Variants in UST observed in about 807,000 individuals in gnomAD.
UST encodes the protein uronyl 2-sulfotransferase.
In UST, 21 loss-of-function variants were observed where a neutral mutation model predicts 45.6. The ratio of observed to expected loss-of-function variants is 0.46; its 90% confidence interval spans 0.33 to 0.66. The LOEUF (loss-of-function observed/expected upper bound fraction) is 0.66, where lower values mean the gene tolerates loss of function less well. Among genes scored for constraint, UST ranks in the 30% least tolerant of loss-of-function variants. The pLI, the probability that UST is intolerant of heterozygous loss-of-function variation, is 0.02. For missense variants in UST, 463 were observed against 512.4 expected (o/e 0.90, Z 0.93); for synonymous variants, 215 against 200.6 (o/e 1.07, Z -0.61).
At chr6:148,918,948 A>C (rs1779645738) in intron 2 of UST, among the ~76,000 whole-genome samples, 1 of 152,220 alleles carries the variant, frequency 6.6e-6, no homozygotes, top group African/African-American at 2.4e-5. Context: ...ATGAACATGA[A>C]TAGAGAAAAC....
intron 1 of UST, among the ~76,000 whole-genome samples, chr6:148,801,882 A>G (rs1011833009): frequency 2.0e-5 from 3 of 152,216 alleles, no homozygotes; most frequent in African/African-American, 7.2e-5. Context: ...CAGGTCAAAT[A>G]GATGGAAGTT....
chr6:149,029,465 T>TATAA (rs1023453901), intron 7 of UST, among the ~76,000 whole-genome samples: 1 of 145,148 alleles, frequency 6.9e-6, no homozygotes, highest in Admixed American at 7.0e-5. Context: ...ACATTATATA[T>TATAA]TATATATATA....
At chr6:148,835,225 G>C (rs931952958) in intron 1 of UST, among the ~76,000 whole-genome samples, 1 of 152,054 alleles carries the variant, frequency 6.6e-6, no homozygotes, top group African/African-American at 2.4e-5. Context: ...ATTGTATTTA[G>C]TACTATAAGT....
At chr6:148,862,165 A>G (rs976210011) in intron 1 of UST, among the ~76,000 whole-genome samples, 3 of 152,198 alleles carry the variant, frequency 2.0e-5, no homozygotes, top group Non-Finnish European at 2.9e-5. Context: ...GACTTGCTTT[A>G]TGAATCTGGG....
In UST at chr6:148,767,240, C is replaced by T. The variant is rs543547455; in HGVS notation, c.247+19563C>T. Reference sequence around the variant, plus strand: ...GTGCTATTAAGCATTTCATAGATATCTTTTAAACTGAATTTTCATTCACCA... The same window carrying T: ...GTGCTATTAAGCATTTCATAGATATTTTTTAAACTGAATTTTCATTCACCA... On this transcript the variant is annotated intron_variant, in intron 1 of 7. Transcript: ENST00000367463. Among the ~76,000 whole-genome samples, 5 of 152,334 alleles carry T rather than the reference C, an allele frequency of 3.3e-5. No individual in the cohort carries two copies. In the East Asian group the frequency reaches 9.6e-4, roughly 29 times the overall value.
chr6:149,011,266 A>G (rs568139067), intron 5 of UST, among the ~76,000 whole-genome samples: 1 of 152,278 alleles, frequency 6.6e-6, no homozygotes, highest in African/African-American at 2.4e-5. Flanking sequence ...AAATTAAGAT[A>G]ATTGAACTCA....
At chr6:148,818,549 G>T (rs1213102156) in intron 1 of UST, among the ~76,000 whole-genome samples, 2 of 152,196 alleles carry the variant, frequency 1.3e-5, no homozygotes, top group Non-Finnish European at 2.9e-5. Context: ...CAGTGTGGGT[G>T]GCCAACAAAT....
rs557164303 is a variant in UST at position 148,863,223 on chromosome 6, T to A, written c.248-23763T>A. Among the ~76,000 whole-genome samples, 3 of 152,334 alleles carry A rather than the reference T, an allele frequency of 2.0e-5. No individual in the cohort carries two copies. In the East Asian group the frequency reaches 5.8e-4, roughly 29 times the overall value. Reference sequence around the variant, plus strand: ...TTTTACTCTTTTTTCTCTAAACTTCTCTTCTTGCTTCTTTTCATTCATTTG... The same window carrying A: ...TTTTACTCTTTTTTCTCTAAACTTCACTTCTTGCTTCTTTTCATTCATTTG... On this transcript the variant is annotated intron_variant, in intron 1 of 7. Coordinates refer to ENST00000367463, the MANE Select transcript of UST (RefSeq NM_005715.3).
chr6:148,884,132 C>CAA (rs35086035), intron 1 of UST, among the ~76,000 whole-genome samples: 4,752 of 94,674 alleles, frequency 0.05, 195 homozygotes, highest in African/African-American at 0.11. Context: ...GACACCGTCT[C>CAA]AAAAAAAAAA....
At chr6:148,787,817 C>T (rs537154214) in intron 1 of UST, among the ~76,000 whole-genome samples, 1 of 152,246 alleles carries the variant, frequency 6.6e-6, no homozygotes, top group East Asian at 1.9e-4. Flanking sequence ...TCTTCCTATC[C>T]ATGAACAACC....
chr6:148,775,919 A>G (rs1776526101), intron 1 of UST, among the ~76,000 whole-genome samples: 2 of 152,174 alleles, frequency 1.3e-5, no homozygotes, highest in Admixed American at 1.3e-4. Flanking sequence ...GGTGTGAGCC[A>G]CTGCGCCCGG....
At chr6:148,833,497 A>G (rs945524828) in intron 1 of UST, among the ~76,000 whole-genome samples, 2 of 152,156 alleles carry the variant, frequency 1.3e-5, no homozygotes, top group African/African-American at 4.8e-5. Flanking sequence ...AAAAAACAAA[A>G]ACCAAAAAAC....
chr6:148,787,072 A>G (rs1776747038), intron 1 of UST, among the ~76,000 whole-genome samples: 1 of 151,956 alleles, frequency 6.6e-6, no homozygotes, highest in African/African-American at 2.4e-5. Flanking sequence ...TTTTTCTTGT[A>G]AATTTAAGTT....
intron 4 of UST, among the ~76,000 whole-genome samples, chr6:148,956,905 C>T (rs994761299): frequency 6.6e-6 from 1 of 152,124 alleles, no homozygotes; most frequent in African/African-American, 2.4e-5. Flanking sequence ...CTTCCCCTAG[C>T]GGAGGTGGGA....
At chr6:148,901,839 G>A (rs533350941) in intron 2 of UST, among the ~76,000 whole-genome samples, 20 of 152,178 alleles carry the variant, frequency 1.3e-4, no homozygotes, top group African/African-American at 4.1e-4. Flanking sequence ...GATTACAGGC[G>A]TGAGCCACTG....
intron 2 of UST, among the ~76,000 whole-genome samples, chr6:148,906,813 A>C (rs561351448): frequency 6.6e-6 from 1 of 152,362 alleles, no homozygotes; most frequent in South Asian, 2.1e-4. Context: ...TGCTTAGCAC[A>C]GGCCTAGTCT....
intron 7 of UST, among the ~76,000 whole-genome samples, chr6:149,062,726 CAGAA>C (rs1345672922): frequency 2.6e-5 from 4 of 152,236 alleles, no homozygotes; most frequent in East Asian, 1.9e-4. Flanking sequence ...GGCTGAGAAT[CAGAA>C]AGCCCACTTT....
At position 149,073,965 on chromosome 6, in the gene UST, T is replaced by A. The variant is rs749410624; in HGVS notation, c.1070T>A (p.Leu357Gln). 1 of 1,614,208 alleles carries A rather than the reference T, an allele frequency of 6.2e-7. No homozygotes were observed. The highest frequency in any genetic ancestry group is 1.7e-5 in the Admixed American group (1 of 60,024). ...CACTACGTCAAAGAGCAGTTCCACC[T>A]GCTGAAGCGCAAGTTTGGACTTAAG... ...FYHYVKEQFHLLKRKFGLKSH... is the reference protein window; with the variant it reads ...FYHYVKEQFHQLKRKFGLKSH... The change falls in exon 8 of 8, where the codon CTG becomes CAG. Residue 357 changes from leucine to glutamine, a missense_variant. Leu to Gln is a moderately radical substitution (Grantham distance 113). This residue lies in a region of UST where 287 missense variants were observed against 374.2 expected (regional missense o/e 0.77). Coordinates refer to ENST00000367463, the MANE Select transcript of UST (RefSeq NM_005715.3).
intron 7 of UST, among the ~76,000 whole-genome samples, chr6:149,025,134 T>C (rs1415961956): frequency 6.6e-6 from 1 of 152,228 alleles, no homozygotes; most frequent in Non-Finnish European, 1.5e-5. Context: ...GAAATGATAT[T>C]CATTGATTCT....
Sources: gnomAD v4.1 joint callset for allele counts (sites outside exome capture counted in the v4.1 genomes callset) on GRCh38, gnomAD v4.1.1 for gene constraint, gnomAD v4.1.1 regional missense constraint, MANE v1.5 for transcripts, NCBI Gene and HGNC (gene_info 2026-07-23, HGNC 2026-07-21) for gene names.